Variants in PFKP observed in about 807,000 individuals in gnomAD.
PFKP encodes the protein ATP-dependent 6-phosphofructokinase, platelet type.
Under a neutral mutation model 94.3 loss-of-function variants are expected in PFKP, and 101 were observed. The ratio of observed to expected loss-of-function variants is 1.07; its 90% confidence interval spans 0.91 to 1.26. The LOEUF is 1.26. Among genes scored for constraint, PFKP ranks in the 50% most tolerant of loss-of-function variants. PFKP has a pLI of 0.00. For synonymous variants in PFKP, 573 were observed against 432.6 expected (o/e 1.32, Z -4.03); for missense variants, 1,145 against 1,103.3 (o/e 1.04, Z -0.53).
At chr10:3,077,964 C>T (rs1832747575) in intron 1 of PFKP, among the ~76,000 whole-genome samples, 1 of 152,186 alleles carries the variant, frequency 6.6e-6, no homozygotes, top group African/African-American at 2.4e-5. Flanking sequence ...GGTGTTTTTC[C>T]AAATGTTAAG....
At chr10:3,113,703 C>T (rs2131607214) in intron 13 of PFKP, among the ~76,000 whole-genome samples, 185 bp downstream of exon 13, 1 of 152,254 alleles carries the variant, frequency 6.6e-6, no homozygotes, top group Non-Finnish European at 1.5e-5. Context: ...TTCAGGCCCT[C>T]AGATGGAGCC....
At chr10:3,119,586 C>CA (rs1276164858) in intron 15 of PFKP, among the ~76,000 whole-genome samples, 3 of 140,916 alleles carry the variant, frequency 2.1e-5, no homozygotes, top group African/African-American at 7.9e-5. Flanking sequence ...GCCTGGGCCA[C>CA]AAAGCGAGAC....
chr10:3,092,904 T>C (rs1456579625), intron 2 of PFKP, among the ~76,000 whole-genome samples: 3 of 151,848 alleles, frequency 2.0e-5, no homozygotes, highest in African/African-American at 7.3e-5. Context: ...ATCTGGAGGA[T>C]GCCTGAGCTG....
At chr10:3,086,687 G>A (rs988472391) in intron 2 of PFKP, among the ~76,000 whole-genome samples, 4 of 152,042 alleles carry the variant, frequency 2.6e-5, no homozygotes, top group Non-Finnish European at 2.9e-5. Flanking sequence ...AATGTTGTTA[G>A]CTGGGGAGGG....
intron 16 of PFKP, among the ~76,000 whole-genome samples, chr10:3,126,558 C>A (rs1416797514): frequency 2.6e-5 from 4 of 152,190 alleles, no homozygotes; most frequent in Non-Finnish European, 4.4e-5. Context: ...GGGACAGGAC[C>A]CCCACCCCCT....
intron 20 of PFKP, 75 bp downstream of exon 20, chr10:3,134,657 G>A (rs148466547): frequency 2.5e-4 from 235 of 930,588 alleles, no homozygotes; most frequent in East Asian, 5.0e-4. Flanking sequence ...CTGTCCTATC[G>A]GGGAGAAGTA....
At chr10:3,093,492 CGCG>C (rs1834219777) in intron 2 of PFKP, among the ~76,000 whole-genome samples, 1 of 152,172 alleles carries the variant, frequency 6.6e-6, no homozygotes, top group Non-Finnish European at 1.5e-5. Flanking sequence ...TCCACTAACA[CGCG>C]TGCGTGCTCA....
At chr10:3,132,971 C>CATATTTATTTCTGGAATTTTCCATTTA (rs1838767835) in intron 18 of PFKP, among the ~76,000 whole-genome samples, 2 of 152,214 alleles carry the variant, frequency 1.3e-5, no homozygotes, top group Non-Finnish European at 2.9e-5. Flanking sequence ...TTAAAACTTA[C>CATATTTATTTCTGGAATTTTCCATTTA]ATATTTATTT....
intron 4 of PFKP, 26 bp from the exon 5 acceptor site, chr10:3,103,753 A>G: frequency 3.7e-6 from 6 of 1,612,218 alleles, no homozygotes; most frequent in South Asian, 3.3e-5. Context: ...TACGGCGATG[A>G]GACGTGCTGT....
chr10:3,109,541 C>T, intron 10 of PFKP, 61 bp downstream of exon 10: 1 of 1,573,408 alleles, frequency 6.4e-7, no homozygotes, highest in Non-Finnish European at 8.6e-7. Flanking sequence ...AGCTGCTTGT[C>T]AGGCCAGCCT....
chr10:3,135,252 C>A (rs1364726739), intron 20 of PFKP, among the ~76,000 whole-genome samples: 1 of 152,132 alleles, frequency 6.6e-6, no homozygotes, highest in Non-Finnish European at 1.5e-5. Flanking sequence ...CGGCAAACCA[C>A]TATCACTGCC....
chr10:3,120,310 C>G (rs753703567), intron 16 of PFKP, among the ~76,000 whole-genome samples: 2 of 151,968 alleles, frequency 1.3e-5, no homozygotes, highest in African/African-American at 4.8e-5. Flanking sequence ...CGTGAGCACC[C>G]GAGGCGCTGA....
At chr10:3,084,219 C>T (rs1056029076) in intron 2 of PFKP, among the ~76,000 whole-genome samples, 4 of 152,182 alleles carry the variant, frequency 2.6e-5, no homozygotes, top group Non-Finnish European at 5.9e-5. Flanking sequence ...ATTCCTGAAA[C>T]CTGTCCAGCC....
At chr10:3,107,644 C>T (rs1835769226) in intron 8 of PFKP, 1 of 619,698 alleles carries the variant, frequency 1.6e-6, no homozygotes, top group South Asian at 7.1e-5. Context: ...GAGGACTGAC[C>T]ACTTGGCAGC....
chr10:3,117,793 C>T (rs1041738934), intron 14 of PFKP, among the ~76,000 whole-genome samples: 2 of 152,182 alleles, frequency 1.3e-5, no homozygotes, highest in African/African-American at 2.4e-5. Context: ...GCGTTGCTCT[C>T]GAACGTAGAG....
chr10:3,113,205 C>T lies in PFKP; in HGVS notation c.1224+17C>T, dbSNP rs749337909. The stretch of plus-strand genomic sequence containing the variant: ...ATCCCAAAGGTAGGTGGCCGGCCTC[C>T]CGCGATGCCCCGACCTCTCCTGCGG... On this transcript the variant is annotated intron_variant, in intron 12 of 21. Transcript: ENST00000381125. 8 of 1,606,766 alleles carry T rather than the reference C, an allele frequency of 5.0e-6. No individual in the cohort carries two copies. Among genetic ancestry groups the T allele is most frequent in the Non-Finnish European group, 6.8e-6 (8 of 1,176,722 alleles).
At chr10:3,123,696 A>C (rs1199479051) in intron 16 of PFKP, among the ~76,000 whole-genome samples, 4 of 152,254 alleles carry the variant, frequency 2.6e-5, no homozygotes, top group African/African-American at 9.6e-5. Flanking sequence ...TCTGAAAAGC[A>C]TAAGGAGACT....
intron 13 of PFKP, among the ~76,000 whole-genome samples, chr10:3,115,715 A>G (rs1053116653): frequency 1.3e-5 from 2 of 152,230 alleles, no homozygotes; most frequent in African/African-American, 4.8e-5. Flanking sequence ...TTAAAGATGC[A>G]GAACTCACAG....
intron 3 of PFKP, 64 bp downstream of exon 3, chr10:3,099,416 C>T: frequency 7.9e-7 from 1 of 1,267,600 alleles, no homozygotes; most frequent in Non-Finnish European, 1.2e-6. Context: ...CTAGTAAATT[C>T]CCAGAACACT....
Sources: allele counts gnomAD v4.1 joint callset (sites outside exome capture counted in the v4.1 genomes callset), GRCh38; gene constraint gnomAD v4.1.1; transcripts MANE v1.5; gene names NCBI Gene and HGNC (gene_info 2026-07-23, HGNC 2026-07-21).